Variants in ZNF670 observed in about 807,000 individuals in gnomAD.
ZNF670 encodes the protein zinc finger protein 670.
ZNF670 carries 7 observed loss-of-function variants against 10.9 expected under a neutral mutation model. That is an observed-to-expected ratio of 0.64 (90% CI 0.36 to 1.20). The LOEUF (loss-of-function observed/expected upper bound fraction) is 1.20. Ranked by LOEUF, ZNF670 falls within the 50% of genes most tolerant of loss-of-function variation. ZNF670 has a pLI of 0.02. For synonymous variants in ZNF670, 136 were observed against 152.7 expected, an observed-to-expected ratio of 0.89 and a Z score of 0.81; for missense variants, 446 against 458.6, an observed-to-expected ratio of 0.97 and a Z score of 0.25.
At chr1:247,072,356 T>G (rs1671138197) in intron 1 of ZNF670, among the ~76,000 whole-genome samples, 1 of 141,810 alleles carries the variant, frequency 7.1e-6, no homozygotes, top group South Asian at 2.1e-4. Context: ...GGTCTCATCA[T>G]GTTGCCCAGG....
intron 1 of ZNF670, among the ~76,000 whole-genome samples, chr1:247,046,300 G>A (rs1459750703): frequency 6.6e-6 from 1 of 152,176 alleles, no homozygotes; most frequent in Non-Finnish European, 1.5e-5. Flanking sequence ...TCAGAAAACT[G>A]TGGCAGCCCC....
chr1:247,049,345 C>A (rs960575434), intron 1 of ZNF670, among the ~76,000 whole-genome samples: 3 of 152,204 alleles, frequency 2.0e-5, no homozygotes, highest in Admixed American at 2.0e-4. Context: ...GGATTACAGG[C>A]ATGAGCCACC....
chr1:247,037,268 G>C lies in ZNF670; in HGVS notation c.*181C>G, dbSNP rs1446701675. The C allele has an allele frequency of 3.2e-6, 2 of 621,586 alleles. No homozygotes were observed. The highest frequency in any genetic ancestry group is 3.7e-5 in the Admixed American group (1 of 27,036). The allele number at this position is 621,586 out of a possible 1,614,324, so 38.5% of individuals were successfully genotyped here. A position where few individuals can be genotyped will look rare whatever the true frequency, so the allele number is the denominator to read the frequency against. Reference sequence around the variant, plus strand: ...TTTTATGACGTTCTTTCCCAGGACGGGTCCTTCTAAGTTTTAGAAGGGAAC... The same window carrying C: ...TTTTATGACGTTCTTTCCCAGGACGCGTCCTTCTAAGTTTTAGAAGGGAAC... On this transcript the variant is annotated 3_prime_UTR_variant, in exon 4 of 4. Transcript: ENST00000366503.
At chr1:247,072,797 A>AATAT (rs1354570608) in intron 1 of ZNF670, among the ~76,000 whole-genome samples, 1 of 81,180 alleles carries the variant, frequency 1.2e-5, no homozygotes, top group Non-Finnish European at 2.4e-5. Flanking sequence ...CAAAAAAAAA[A>AATAT]GTGTGTGTAT....
intron 1 of ZNF670, among the ~76,000 whole-genome samples, chr1:247,069,700 G>A (rs1391473322): frequency 6.6e-6 from 1 of 152,126 alleles, no homozygotes; most frequent in African/African-American, 2.4e-5. Flanking sequence ...AATAACATGG[G>A]TGGAACTAGA....
At chr1:247,075,779 G>GT (rs1347547789) in intron 1 of ZNF670, among the ~76,000 whole-genome samples, 1 of 152,212 alleles carries the variant, frequency 6.6e-6, no homozygotes, top group African/African-American at 2.4e-5. Flanking sequence ...CCAGCCTCAG[G>GT]TATGTCTTTA....
chr1:247,067,435 CAAAAA>C (rs61363241), intron 1 of ZNF670, among the ~76,000 whole-genome samples: 1 of 77,246 alleles, frequency 1.3e-5, no homozygotes. Context: ...GATCCCGTCT[CAAAAA>C]AAAAAAAAAA....
intron 1 of ZNF670, among the ~76,000 whole-genome samples, chr1:247,062,731 T>C (rs1490749452): frequency 2.6e-5 from 4 of 152,226 alleles, no homozygotes; most frequent in Non-Finnish European, 5.9e-5. Context: ...TGGGTTTCCC[T>C]TCTCTGTTAA....
chr1:247,062,422 C>T (rs1398673361), intron 1 of ZNF670, among the ~76,000 whole-genome samples: 1 of 152,086 alleles, frequency 6.6e-6, no homozygotes, highest in Admixed American at 6.6e-5. Context: ...AATCCATTTC[C>T]TTCTGGCCTC....
chr1:247,046,939 G>T (rs1312265954), intron 1 of ZNF670, among the ~76,000 whole-genome samples: 4 of 152,364 alleles, frequency 2.6e-5, no homozygotes, highest in Non-Finnish European at 5.9e-5. Flanking sequence ...CAGGCCCCAT[G>T]CAAGTCCAAA....
Position 247,037,488 on chromosome 1 carries a change from G to A in ZNF670, c.1131C>T (p.Ser377=). 1 of 1,613,610 alleles carries A rather than the reference G, an allele frequency of 6.2e-7. No homozygotes were observed. The highest frequency in any genetic ancestry group is 8.5e-7 in the Non-Finnish European group (1 of 1,179,814). ...CKKCGKAFSC[S]SSLRKHERAY... is the part of the protein sequence containing the mutation. The stretch of plus-strand genomic sequence containing the variant: ...CTCTTTCATGCTTTCGAAGGGAACT[G>A]GAACAACTGAAGGCTTTACCACATT... The change falls in exon 4 of 4, where the codon TCC becomes TCT. Residue 377 remains serine (S), a synonymous_variant. Transcript: ENST00000366503.
intron 1 of ZNF670, among the ~76,000 whole-genome samples, chr1:247,063,524 A>G (rs906926080): frequency 1.4e-5 from 2 of 146,984 alleles, no homozygotes; most frequent in Non-Finnish European, 3.0e-5. Context: ...CGGAGCTTGC[A>G]GTGAGCCGAG....
At chr1:247,070,989 G>A (rs1245811242) in intron 1 of ZNF670, among the ~76,000 whole-genome samples, 1 of 152,234 alleles carries the variant, frequency 6.6e-6, no homozygotes, top group African/African-American at 2.4e-5. Context: ...CGAGGTTGCA[G>A]AGAAAAGGGA....
Position 247,037,367 on chromosome 1 carries a change from C to T in ZNF670, c.*82G>A. The T allele has an allele frequency of 6.8e-7, 1 of 1,462,220 alleles. No homozygotes were observed. Among genetic ancestry groups the T allele is most frequent in the Non-Finnish European group, 9.1e-7 (1 of 1,101,502 alleles). 90.6% of individuals were successfully genotyped at this position (1,462,220 alleles called of 1,614,324 possible). ...CTCTAATTTGAGTTTTTAATTTTTTCACGTGTTCTAATGAAACTAGAATAA... is the reference window on the plus strand; with the variant it reads ...CTCTAATTTGAGTTTTTAATTTTTTTACGTGTTCTAATGAAACTAGAATAA... On this transcript the variant is annotated 3_prime_UTR_variant, in exon 4 of 4. Coordinates refer to ENST00000366503, the MANE Select transcript of ZNF670 (RefSeq NM_033213.5).
At chr1:247,059,818 C>A (rs927349204) in intron 1 of ZNF670, among the ~76,000 whole-genome samples, 7 of 152,048 alleles carry the variant, frequency 4.6e-5, no homozygotes, top group Non-Finnish European at 7.4e-5. Flanking sequence ...CAAAGTGGTA[C>A]AATGTAAGGT....
chr1:247,058,911 C>A (rs1274232447), intron 1 of ZNF670, among the ~76,000 whole-genome samples: 1 of 152,090 alleles, frequency 6.6e-6, no homozygotes, highest in East Asian at 1.9e-4. Context: ...AAGGACAAGG[C>A]TGAAGACCCA....
intron 1 of ZNF670, among the ~76,000 whole-genome samples, chr1:247,056,969 C>G (rs1670733491): frequency 6.6e-6 from 1 of 152,148 alleles, no homozygotes; most frequent in Non-Finnish European, 1.5e-5. Context: ...CCCATGAGCA[C>G]AGGAGACCAA....
intron 1 of ZNF670, among the ~76,000 whole-genome samples, chr1:247,048,271 G>C (rs923500498): frequency 6.6e-6 from 1 of 152,144 alleles, no homozygotes; most frequent in Non-Finnish European, 1.5e-5. Context: ...CAATTTCAAA[G>C]TTCTGCAGAT....
chr1:247,069,238 G>T (rs530725904), intron 1 of ZNF670, among the ~76,000 whole-genome samples: 1 of 151,172 alleles, frequency 6.6e-6, no homozygotes, highest in African/African-American at 2.5e-5. Context: ...TCTCCATGAG[G>T]TGCTTATTTC....
Sources: gnomAD v4.1 joint callset for allele counts (sites outside exome capture counted in the v4.1 genomes callset) on GRCh38, gnomAD v4.1.1 for gene constraint, MANE v1.5 for transcripts, NCBI Gene and HGNC (gene_info 2026-07-23, HGNC 2026-07-21) for gene names.